Variants in ROBO1 observed in about 807,000 individuals in gnomAD.
ROBO1 encodes the protein roundabout guidance receptor 1.
A neutral mutation model predicts 195.9 loss-of-function variants in ROBO1; 149 were observed. That is an observed-to-expected ratio of 0.76 (90% CI 0.67 to 0.87). The LOEUF (loss-of-function observed/expected upper bound fraction) is 0.87, where lower values mean the gene tolerates loss of function less well. Ranked by LOEUF, ROBO1 falls within the 40% of genes least tolerant of loss-of-function variation. The probability of loss-of-function intolerance (pLI) is 0.00; values close to 1 mark genes in which losing one functional copy is unlikely to be tolerated. For synonymous variants in ROBO1, 816 were observed against 733.2 expected (o/e 1.11, Z -1.82); for missense variants, 1,933 against 2,068.3 (o/e 0.93, Z 1.27).
chr3:79,576,210 CA>C (rs1202049583), intron 2 of ROBO1, among the ~76,000 whole-genome samples: 2 of 151,714 alleles, frequency 1.3e-5, no homozygotes, highest in Admixed American at 1.3e-4. Context: ...ATTCATTAAC[CA>C]CATTAAAATT....
chr3:78,633,826 C>G, intron 24 of ROBO1, 109 bp downstream of exon 24: 2 of 564,314 alleles, frequency 3.5e-6, no homozygotes, highest in Non-Finnish European at 6.2e-6. Flanking sequence ...AAATTACATA[C>G]AGTGATTTAG....
intron 1 of ROBO1, among the ~76,000 whole-genome samples, chr3:79,659,610 A>T (rs549775760): frequency 3.1e-4 from 31 of 100,902 alleles, no homozygotes; most frequent in African/African-American, 1.3e-3. Flanking sequence ...CCCAGAGTTC[A>T]GAAAAAAAAA....
intron 4 of ROBO1, among the ~76,000 whole-genome samples, chr3:78,787,609 CT>C (rs2083876347): frequency 6.6e-6 from 1 of 152,124 alleles, no homozygotes; most frequent in Non-Finnish European, 1.5e-5. Context: ...ACCTATTAGA[CT>C]TACATATAAT....
At chr3:79,287,899 A>T (rs527544622) in intron 2 of ROBO1, among the ~76,000 whole-genome samples, 301 of 152,126 alleles carry the variant, frequency 2.0e-3, no homozygotes, top group African/African-American at 7.0e-3. Context: ...ATGTAGTCAT[A>T]TTTTTTACAT....
intron 2 of ROBO1, among the ~76,000 whole-genome samples, chr3:79,489,161 A>G (rs538627870): frequency 2.0e-5 from 3 of 151,898 alleles, no homozygotes; most frequent in East Asian, 3.9e-4. Context: ...GATTTTTCTC[A>G]TAAGACTTCA....
chr3:79,608,742 T>C (rs1944565686), intron 1 of ROBO1, among the ~76,000 whole-genome samples: 1 of 151,930 alleles, frequency 6.6e-6, no homozygotes, highest in South Asian at 2.1e-4. Context: ...TCTGTTATGA[T>C]TCCAAACCTC....
intron 2 of ROBO1, among the ~76,000 whole-genome samples, chr3:79,452,151 A>G (rs2039462792): frequency 6.6e-6 from 1 of 152,084 alleles, no homozygotes; most frequent in South Asian, 2.1e-4. Context: ...TCTCACTCCA[A>G]TTTATTTTCC....
chr3:78,996,370 T>C (rs2077367001), intron 3 of ROBO1, among the ~76,000 whole-genome samples: 1 of 151,546 alleles, frequency 6.6e-6, no homozygotes, highest in Non-Finnish European at 1.5e-5. Flanking sequence ...TTTATCTCTA[T>C]CCTTGGACAA....
intron 2 of ROBO1, among the ~76,000 whole-genome samples, chr3:79,369,710 A>G (rs1293017844): frequency 1.3e-5 from 2 of 151,922 alleles, no homozygotes; most frequent in Non-Finnish European, 1.5e-5. Context: ...TTTAGTCCCA[A>G]GTGAATGAGC....
At chr3:79,501,302 T>C (rs1940057321) in intron 2 of ROBO1, among the ~76,000 whole-genome samples, 1 of 152,172 alleles carries the variant, frequency 6.6e-6, no homozygotes, top group African/African-American at 2.4e-5. Context: ...TCTTAACTAG[T>C]TCACGAAGCA....
chr3:79,389,831 T>C (rs979440862), intron 2 of ROBO1, among the ~76,000 whole-genome samples: 3 of 152,180 alleles, frequency 2.0e-5, no homozygotes, highest in Non-Finnish European at 2.9e-5. Context: ...TAGAGTCCTA[T>C]GGCCAAAGGA....
intron 26 of ROBO1, among the ~76,000 whole-genome samples, chr3:78,620,406 G>A (rs1704383389): frequency 6.6e-6 from 1 of 152,094 alleles, no homozygotes; most frequent in African/African-American, 2.4e-5. Context: ...CAGCTACTCG[G>A]AAGGCTGAGG....
At chr3:79,275,929 A>G (rs1173017896) in intron 2 of ROBO1, among the ~76,000 whole-genome samples, 1 of 151,784 alleles carries the variant, frequency 6.6e-6, no homozygotes, top group Non-Finnish European at 1.5e-5. Context: ...GAGAAGTGAA[A>G]GTTTTCTAAA....
chr3:79,648,912 G>T (rs1945915930), intron 1 of ROBO1, among the ~76,000 whole-genome samples: 1 of 152,030 alleles, frequency 6.6e-6, no homozygotes, highest in Non-Finnish European at 1.5e-5. Context: ...ATGTGACAAT[G>T]AATATCATCA....
intron 14 of ROBO1, among the ~76,000 whole-genome samples, chr3:78,663,716 A>C (rs1707568666): frequency 6.6e-6 from 1 of 152,220 alleles, no homozygotes; most frequent in African/African-American, 2.4e-5. Context: ...AGACATAAAA[A>C]GTGCTTTTCC....
intron 2 of ROBO1, among the ~76,000 whole-genome samples, chr3:79,219,807 A>C (rs1007412595): frequency 3.3e-5 from 5 of 152,078 alleles, no homozygotes; most frequent in Admixed American, 3.3e-4. Flanking sequence ...TTTCTTAGGA[A>C]TATCATAAAA....
rs3773204 is a variant in ROBO1 at position 78,625,255 on chromosome 3, G to C, written c.3875+2066C>G. On this transcript the variant is annotated intron_variant, in intron 26 of 30. Coordinates refer to ENST00000464233, the MANE Select transcript of ROBO1 (RefSeq NM_002941.4). ...CCATTTTGGATTAAAGTGACTTCAT[G>C]AATAACCTCATTTGTAGAATGCTAG... Among the ~76,000 whole-genome samples the C allele has an allele frequency of 8.8e-3, 1,340 of 152,268 alleles. 23 individuals carry two copies. The highest frequency in any genetic ancestry group is 0.046 in the East Asian group (238 of 5,176).
rs192695711 is a variant in ROBO1 at position 79,555,259 on chromosome 3, G to A, written c.88+34565C>T. ...GGTCAAGTCTCAGATTGCTTGCTGC[G>A]CTCCTAATCTTAGTTGAGTGAAATG... On this transcript the variant is annotated intron_variant, in intron 2 of 30. Coordinates refer to ENST00000464233, the MANE Select transcript of ROBO1 (RefSeq NM_002941.4). 3.5e-3 allele frequency among the ~76,000 whole-genome samples: 526 copies of A among 152,124 alleles called. 1 individual carries two copies. Among genetic ancestry groups the A allele is most frequent in the African/African-American group, 0.012 (495 of 41,512 alleles).
intron 2 of ROBO1, among the ~76,000 whole-genome samples, chr3:79,406,836 T>G (rs2037568935): frequency 6.6e-6 from 1 of 152,126 alleles, no homozygotes; most frequent in Admixed American, 6.6e-5. Flanking sequence ...TTTTTTCCTT[T>G]CCACATAGTT....
Sources: allele counts gnomAD v4.1 joint callset (sites outside exome capture counted in the v4.1 genomes callset), GRCh38; gene constraint gnomAD v4.1.1; transcripts MANE v1.5; gene names NCBI Gene and HGNC (gene_info 2026-07-23, HGNC 2026-07-21).